TRIQK: variants seen among roughly 807,000 people sequenced by gnomAD.
TRIQK encodes the protein triple QxxK/R motif containing.
TRIQK carries 10 observed loss-of-function variants against 10.8 expected under a neutral mutation model. The observed-to-expected ratio is 0.92, with a 90% CI of 0.57 to 1.57. The LOEUF (loss-of-function observed/expected upper bound fraction) is 1.57. Ranked by LOEUF, TRIQK falls within the 40% of genes most tolerant of loss-of-function variation. The probability of loss-of-function intolerance (pLI) is 0.00; values close to 1 mark genes in which losing one functional copy is unlikely to be tolerated. For synonymous variants in TRIQK, 33 were observed against 33.7 expected, an observed-to-expected ratio of 0.98 and a Z score of 0.07; for missense variants, 107 against 97.7, an observed-to-expected ratio of 1.09 and a Z score of -0.40.
Position 92,885,306 on chromosome 8 carries a change from A to G in TRIQK, c.*1316T>C, listed in dbSNP as rs1051158180. ...TTATAAAGCCCCATATACTCCTTAG[A>G]TATTTCCCAAGGATTTCTTCTCTTG... On this transcript the variant is annotated 3_prime_UTR_variant, in exon 5 of 5. Transcript: ENST00000521988. 9.5e-6 allele frequency: 2 copies of G among 209,628 alleles called. No homozygotes were observed. The highest frequency in any genetic ancestry group is 2.0e-5 in the Non-Finnish European group (2 of 101,374). The allele number at this position is 209,628 out of a possible 1,614,324, so 13.0% of individuals were successfully genotyped here. A position where few individuals can be genotyped will look rare whatever the true frequency, so the allele number is the denominator to read the frequency against.
At chr8:92,957,338 A>T (rs1179666316) in intron 1 of TRIQK, among the ~76,000 whole-genome samples, 3 of 151,856 alleles carry the variant, frequency 2.0e-5, no homozygotes, top group Admixed American at 2.0e-4. Flanking sequence ...TTACGTATAC[A>T]TACACATACA....
intron 4 of TRIQK, among the ~76,000 whole-genome samples, chr8:92,888,924 A>G (rs542508056): frequency 1.3e-5 from 2 of 151,642 alleles, no homozygotes; most frequent in African/African-American, 4.8e-5. Context: ...TTGCATTCTG[A>G]AAAAAAAGTT....
At chr8:93,005,741 T>C (rs1373608568) in intron 1 of TRIQK, among the ~76,000 whole-genome samples, 1 of 152,164 alleles carries the variant, frequency 6.6e-6, no homozygotes, top group East Asian at 1.9e-4. Flanking sequence ...GGTTTTTCTC[T>C]ACTTCTACTT....
chr8:92,978,166 T>C (rs1812951648), intron 1 of TRIQK, among the ~76,000 whole-genome samples: 1 of 152,154 alleles, frequency 6.6e-6, no homozygotes, highest in Admixed American at 6.6e-5. Flanking sequence ...CTGTGAATTG[T>C]AGCTGCTTTG....
chr8:92,895,354 A>G (rs1471166830), intron 3 of TRIQK, among the ~76,000 whole-genome samples: 4 of 152,074 alleles, frequency 2.6e-5, no homozygotes, highest in African/African-American at 9.7e-5. Context: ...ACCAAGAAGT[A>G]GGGGTGCTGC....
In TRIQK at chr8:92,959,697, T is replaced by C. The variant is rs1273914134; in HGVS notation, c.-180-5133A>G. 2.6e-5 allele frequency among the ~76,000 whole-genome samples: 4 copies of C among 152,068 alleles called. No individual in the cohort carries two copies. In the East Asian group the frequency reaches 5.8e-4, roughly 22 times the overall value. On this transcript the variant is annotated intron_variant, in intron 1 of 4. Coordinates refer to ENST00000521988, the MANE Select transcript of TRIQK (RefSeq NM_001171797.2). The stretch of plus-strand genomic sequence containing the variant: ...TGCATTTAATACCCCAATAAACCCA[T>C]AGTAAAATTGAAATATTGTAAATCA...
intron 1 of TRIQK, among the ~76,000 whole-genome samples, chr8:93,015,510 A>G (rs1433917453): frequency 6.7e-6 from 1 of 150,236 alleles, no homozygotes. Flanking sequence ...TATAGCTTGA[A>G]TTCTAACTAG....
At position 93,003,963 on chromosome 8, in the gene TRIQK, G is replaced by C. The variant is rs140547617; in HGVS notation, c.-181+13646C>G. Among the ~76,000 whole-genome samples, 520 of 152,338 alleles carry C rather than the reference G, an allele frequency of 3.4e-3. 1 individual carries two copies. Among genetic ancestry groups the C allele is most frequent in the Non-Finnish European group, 5.7e-3 (391 of 68,032 alleles). ...TAGCTCTCTCCCTGTGGCTTGCAGG[G>C]TGCAGCCCCCACAGCTACTTTCACA... On this transcript the variant is annotated intron_variant, in intron 1 of 4. Transcript: ENST00000520686.
At chr8:92,933,526 A>G (rs1182400709) in intron 2 of TRIQK, among the ~76,000 whole-genome samples, 1 of 152,030 alleles carries the variant, frequency 6.6e-6, no homozygotes, top group Non-Finnish European at 1.5e-5. Flanking sequence ...GCTTAAACCA[A>G]CCACACCTAC....
intron 4 of TRIQK, among the ~76,000 whole-genome samples, chr8:92,887,207 GT>G (rs1343591760): frequency 3.3e-5 from 5 of 150,778 alleles, no homozygotes; most frequent in Non-Finnish European, 5.9e-5. Flanking sequence ...AGAAACAGTT[GT>G]AACTGGTCTC....
At chr8:92,943,466 T>C (rs955576569) in intron 2 of TRIQK, among the ~76,000 whole-genome samples, 3 of 152,110 alleles carry the variant, frequency 2.0e-5, no homozygotes, top group African/African-American at 7.2e-5. Flanking sequence ...GGCATTGGCA[T>C]AAAAACAGAC....
intron 1 of TRIQK, among the ~76,000 whole-genome samples, chr8:93,012,018 A>G (rs529951718): frequency 1.3e-5 from 2 of 152,336 alleles, no homozygotes; most frequent in South Asian, 4.1e-4. Context: ...AAGCTGGAGA[A>G]AAGTATCTAG....
At chr8:92,920,706 A>T (rs1307234730) in intron 2 of TRIQK, among the ~76,000 whole-genome samples, 1 of 151,788 alleles carries the variant, frequency 6.6e-6, no homozygotes, top group Non-Finnish European at 1.5e-5. Flanking sequence ...CTAGGAAAGA[A>T]ATTGCACTGT....
intron 2 of TRIQK, among the ~76,000 whole-genome samples, chr8:92,949,081 CT>C (rs886119114): frequency 5.9e-5 from 9 of 152,192 alleles, no homozygotes; most frequent in African/African-American, 2.2e-4. Flanking sequence ...CATAACTTTC[CT>C]TTTTCTGTCC....
At chr8:92,927,514 G>A (rs1810505243) in intron 2 of TRIQK, among the ~76,000 whole-genome samples, 1 of 152,070 alleles carries the variant, frequency 6.6e-6, no homozygotes, top group Non-Finnish European at 1.5e-5. Flanking sequence ...AGAGAAGAAA[G>A]GTTATTAAAG....
At chr8:92,953,534 A>G (rs1019100926) in intron 2 of TRIQK, 3 of 152,054 alleles carry the variant, frequency 2.0e-5, no homozygotes, top group Non-Finnish European at 4.4e-5. Context: ...AATAACGACC[A>G]AAAGAAAAGT....
chr8:92,962,834 G>A (rs1006817469), intron 1 of TRIQK, among the ~76,000 whole-genome samples: 32 of 152,242 alleles, frequency 2.1e-4, no homozygotes, highest in East Asian at 1.5e-3. Context: ...TATCTGTTCC[G>A]CAATCTGAAA....
chr8:92,914,468 T>G (rs1809725693), intron 3 of TRIQK, among the ~76,000 whole-genome samples: 1 of 152,168 alleles, frequency 6.6e-6, no homozygotes, highest in Non-Finnish European at 1.5e-5. Context: ...GGAGAAAATA[T>G]TTGTACACCA....
At chr8:92,936,666 G>A (rs968155663) in intron 2 of TRIQK, among the ~76,000 whole-genome samples, 7 of 151,534 alleles carry the variant, frequency 4.6e-5, no homozygotes, top group Admixed American at 1.3e-4. Flanking sequence ...AAGACAAAAG[G>A]GGAAAGAGCA....
Sources: gnomAD v4.1 joint callset for allele counts (sites outside exome capture counted in the v4.1 genomes callset) on GRCh38, gnomAD v4.1.1 for gene constraint, MANE v1.5 for transcripts, NCBI Gene and HGNC (gene_info 2026-07-23, HGNC 2026-07-21) for gene names.